F8: variants seen among roughly 807,000 people sequenced by gnomAD.
F8 encodes antihemophilic factor.
Under a neutral mutation model 140.6 loss-of-function variants are expected in F8, and 12 were observed. That is an observed-to-expected ratio of 0.09 (90% CI 0.05 to 0.14). F8 has a LOEUF of 0.14. F8 is among the 10% of genes least tolerant of loss of function. F8 has a pLI of 1.00. For synonymous variants in F8, 585 were observed against 614.6 expected (o/e 0.95, Z 0.71); for missense variants, 1,354 against 1,720.7 (o/e 0.79, Z 3.77).
chrX:155,003,757 G>C (rs1557285854), intron 1 of F8, among the ~76,000 whole-genome samples: 2 of 110,132 alleles, frequency 1.8e-5, no homozygotes, highest in African/African-American at 6.6e-5. Context: ...AGGAGATCGA[G>C]ACCATCCTGG....
chrX:154,978,276 G>A (rs956562846), intron 6 of F8, among the ~76,000 whole-genome samples: 18 of 110,261 alleles, frequency 1.6e-4, no homozygotes, highest in South Asian at 3.8e-4. Context: ...AAGAGATGTT[G>A]GCCAGTTTAC....
chrX:154,977,404 C>G (rs2073492878), intron 6 of F8: 1 of 111,484 alleles, frequency 9.0e-6, no homozygotes, highest in South Asian at 3.7e-4. Context: ...ACATTAGGAC[C>G]TTTTTCTTTC....
At position 155,015,699 on chromosome X, in the gene F8, A is replaced by G. The variant is rs1363999724; in HGVS notation, c.143+6711T>C. Among the ~76,000 whole-genome samples, 5 of 111,610 alleles carry G rather than the reference A, an allele frequency of 4.5e-5. No homozygotes were observed. The East Asian group carries it at 1.1e-3, about 25-fold the overall frequency. ...GAAGGGTAGCAAGGAGTGAAAAACC[A>G]CCTATTGGGTACTATGTTCACTACT... is the stretch of plus-strand genomic sequence containing the variant. On this transcript the variant is annotated intron_variant, in intron 1 of 25. Coordinates refer to ENST00000360256, the MANE Select transcript of F8 (RefSeq NM_000132.4).
At chrX:154,863,318 G>A in intron 22 of F8, 91 bp from the exon 23 acceptor site, 3 of 894,492 alleles carry the variant, frequency 3.4e-6, no homozygotes, top group Non-Finnish European at 4.9e-6. Context: ...AATTTGCTTT[G>A]TGCGTTTCTC....
At chrX:154,906,369 AAATAAAT>A in intron 15 of F8, 44 bp downstream of exon 15, 1 of 1,133,801 alleles carries the variant, frequency 8.8e-7, no homozygotes. Context: ...GTCAGCAAGA[AAATAAAT>A]ATATAAAATT....
intron 13 of F8, among the ~76,000 whole-genome samples, chrX:154,938,699 T>C (rs2124065458): frequency 9.0e-6 from 1 of 110,767 alleles, no homozygotes. Flanking sequence ...TCACAATATG[T>C]AAATCCAACC....
chrX:154,892,456 T>G, intron 22 of F8, among the ~76,000 whole-genome samples: 1 of 112,544 alleles, frequency 8.9e-6, no homozygotes, highest in East Asian at 2.8e-4. Flanking sequence ...ACTCATCCCA[T>G]AGTATCACTG....
chrX:154,973,804 G>A (rs2073471034), intron 6 of F8, among the ~76,000 whole-genome samples: 1 of 111,258 alleles, frequency 9.0e-6, no homozygotes, highest in Admixed American at 9.6e-5. Flanking sequence ...GTTTGTTTTT[G>A]TTTTTGTTTC....
At chrX:154,969,231 C>G in intron 7 of F8, 100 bp downstream of exon 7, 1 of 781,355 alleles carries the variant, frequency 1.3e-6, no homozygotes, top group Non-Finnish European at 1.9e-6. Flanking sequence ...TATAATGTCC[C>G]CTTCAGCAAC....
chrX:154,866,116 A>G (rs1197758228), intron 22 of F8, among the ~76,000 whole-genome samples: 1 of 111,924 alleles, frequency 8.9e-6, no homozygotes, highest in African/African-American at 3.2e-5. Context: ...GTATGAGAAA[A>G]AATAGTCTTT....
chrX:154,953,760 T>C, intron 12 of F8, 132 bp downstream of exon 12: 2 of 824,568 alleles, frequency 2.4e-6, no homozygotes, highest in Non-Finnish European at 3.6e-6. Context: ...TGAGTAAAAA[T>C]TATACATTTA....
intron 14 of F8, among the ~76,000 whole-genome samples, chrX:154,927,352 G>A (rs1557278173): frequency 1.8e-5 from 2 of 111,696 alleles, no homozygotes; most frequent in South Asian, 3.8e-4. Flanking sequence ...AATTGATGAT[G>A]TAAGGGAGAA....
intron 6 of F8, among the ~76,000 whole-genome samples, chrX:154,984,278 A>G (rs995904598): frequency 2.7e-5 from 3 of 112,064 alleles, no homozygotes; most frequent in Non-Finnish European, 3.8e-5. Context: ...TTATTGATGC[A>G]GTATCTTCTT....
chrX:154,865,393 C>A, intron 22 of F8, among the ~76,000 whole-genome samples: 1 of 109,525 alleles, frequency 9.1e-6, no homozygotes, highest in Non-Finnish European at 1.9e-5. Context: ...CCTTTCACTG[C>A]TAAAGGTAAA....
chrX:154,862,554 TC>T (rs1451501556), intron 23 of F8, among the ~76,000 whole-genome samples: 1 of 110,588 alleles, frequency 9.0e-6, no homozygotes, highest in East Asian at 2.8e-4. Flanking sequence ...CACACCCCCC[TC>T]CCAACCTCTC....
At chrX:154,860,250 C>T (rs1557272754) in intron 25 of F8, among the ~76,000 whole-genome samples, 182 bp downstream of exon 25, 1 of 111,854 alleles carries the variant, frequency 8.9e-6, no homozygotes. Context: ...CAGTATTTTA[C>T]CTTTTTCTTA....
intron 25 of F8, among the ~76,000 whole-genome samples, 164 bp downstream of exon 25, chrX:154,860,268 T>G (rs1202720551): frequency 8.9e-6 from 1 of 112,228 alleles, no homozygotes; most frequent in Non-Finnish European, 1.9e-5. Context: ...TTAAAGTCAC[T>G]GTGTTCTCTC....
At chrX:154,999,191 A>G (rs2073633721) in intron 2 of F8, among the ~76,000 whole-genome samples, 2 of 110,501 alleles carry the variant, frequency 1.8e-5, no homozygotes, top group African/African-American at 3.3e-5. Context: ...CTTCCCACCT[A>G]TAATTCTCAG....
chrX:154,954,192 T>C, intron 11 of F8, 150 bp from the exon 12 acceptor site: 1 of 608,306 alleles, frequency 1.6e-6, no homozygotes, highest in Non-Finnish European at 2.7e-6. Context: ...TACCAGGGCT[T>C]GGGAGTTGAG....
Sources: gnomAD v4.1 joint callset for allele counts (sites outside exome capture counted in the v4.1 genomes callset) on GRCh38, gnomAD v4.1.1 for gene constraint, MANE v1.5 for transcripts, NCBI Gene and HGNC (gene_info 2026-07-23, HGNC 2026-07-21) for gene names.